Variants in PLEKHO2 observed in about 807,000 individuals in gnomAD.
The protein encoded by PLEKHO2 is pleckstrin homology domain-containing family O member 2.
A neutral mutation model predicts 32.7 loss-of-function variants in PLEKHO2; 20 were observed. That is an observed-to-expected ratio of 0.61 (90% CI 0.43 to 0.89). The LOEUF (loss-of-function observed/expected upper bound fraction) is 0.89, where lower values mean the gene tolerates loss of function less well. Among genes scored for constraint, PLEKHO2 ranks in the 40% least tolerant of loss-of-function variants. PLEKHO2 has a pLI of 0.00. For missense variants in PLEKHO2, 568 were observed against 621.2 expected, an observed-to-expected ratio of 0.91 and a Z score of 0.91; for synonymous variants, 247 against 246.3, an observed-to-expected ratio of 1.00 and a Z score of -0.03.
chr15:64,851,618 C>T (rs528873058), intron 2 of PLEKHO2, among the ~76,000 whole-genome samples: 9 of 152,270 alleles, frequency 5.9e-5, no homozygotes, highest in Admixed American at 5.2e-4. Context: ...TTGGCTGTTT[C>T]TTTGCTGTCA....
At chr15:64,858,568 C>T (rs1430683082) in intron 3 of PLEKHO2, among the ~76,000 whole-genome samples, 1 of 152,064 alleles carries the variant, frequency 6.6e-6, no homozygotes, top group East Asian at 1.9e-4. Flanking sequence ...TGTGCCAGTC[C>T]CTGCTTTTAA....
chr15:64,843,575 T>C (rs557260625), intron 1 of PLEKHO2, among the ~76,000 whole-genome samples: 2 of 151,420 alleles, frequency 1.3e-5, no homozygotes, highest in South Asian at 4.2e-4. Flanking sequence ...CATTGTCACT[T>C]TCTTTTCTTT....
At chr15:64,846,835 T>C (rs779811962) in intron 1 of PLEKHO2, among the ~76,000 whole-genome samples, 2 of 152,210 alleles carry the variant, frequency 1.3e-5, no homozygotes, top group Non-Finnish European at 2.9e-5. Context: ...GTAACAATAA[T>C]GACAGCTGCC....
chr15:64,845,110 G>A (rs2084513151), intron 1 of PLEKHO2, among the ~76,000 whole-genome samples: 2 of 152,138 alleles, frequency 1.3e-5, no homozygotes, highest in Admixed American at 1.3e-4. Context: ...AAGCTTCCTG[G>A]GATGTGAGGT....
intron 1 of PLEKHO2, among the ~76,000 whole-genome samples, chr15:64,843,961 G>T (rs188824671): frequency 6.6e-6 from 1 of 152,170 alleles, no homozygotes; most frequent in Non-Finnish European, 1.5e-5. Context: ...CTTTACCCAA[G>T]CCCCTGCAAG....
chr15:64,842,938 G>A (rs79083090), intron 1 of PLEKHO2, among the ~76,000 whole-genome samples: 1,850 of 152,348 alleles, frequency 0.012, 40 homozygotes, highest in African/African-American at 0.042. Flanking sequence ...AGAGGAAGGT[G>A]AATTTGTTTC....
intron 2 of PLEKHO2, among the ~76,000 whole-genome samples, chr15:64,851,042 T>G (rs549763012): frequency 3.3e-5 from 5 of 152,336 alleles, no homozygotes; most frequent in African/African-American, 1.2e-4. Flanking sequence ...TTAGGCAACC[T>G]GGATCCAAAG....
chr15:64,867,612 C>G lies in PLEKHO2; in HGVS notation c.*1724C>G, dbSNP rs1340917721. ...CTGGCTGGGGCTTTAGCCAAGCCACCTACTGCCAGGAATTGGAGCCTCAGT... is the reference window on the plus strand; with the variant it reads ...CTGGCTGGGGCTTTAGCCAAGCCACGTACTGCCAGGAATTGGAGCCTCAGT... On this transcript the variant is annotated 3_prime_UTR_variant, in exon 6 of 6. Transcript: ENST00000323544. 6.6e-6 allele frequency: 1 copy of G among 152,296 alleles called. No homozygotes were observed. The highest frequency in any genetic ancestry group is 2.4e-5 in the African/African-American group (1 of 41,454). The allele number at this position is 152,296 out of a possible 1,614,324, so 9.4% of individuals were successfully genotyped here.
intron 2 of PLEKHO2, among the ~76,000 whole-genome samples, chr15:64,849,227 C>T (rs1322682290): frequency 1.3e-5 from 2 of 152,118 alleles, no homozygotes; most frequent in Non-Finnish European, 2.9e-5. Context: ...CTGCAACCTC[C>T]ATCTCCTGGG....
chr15:64,857,871 G>A (rs1027903721), intron 3 of PLEKHO2, among the ~76,000 whole-genome samples: 1 of 152,158 alleles, frequency 6.6e-6, no homozygotes, highest in Non-Finnish European at 1.5e-5. Context: ...GTAGAACTTG[G>A]TAATCTGACT....
chr15:64,854,996 C>A lies in PLEKHO2; in HGVS notation c.238C>A (p.Arg80=). Residue 80 remains arginine, a synonymous_variant, in exon 3 of 6, where the codon CGA becomes AGA. Coordinates refer to ENST00000323544, the MANE Select transcript of PLEKHO2 (RefSeq NM_025201.5). The stretch of plus-strand genomic sequence containing the variant: ...CCAGGACCTTCGTGCCCTCCTCAAG[C>A]GAAAACACCGCTTTATCCTGCTGCG... ...KCQDLRALLK[R]KHRFILLRSP... is the part of the protein sequence containing the mutation. 6.2e-7 allele frequency: 1 copy of A among 1,602,126 alleles called. No homozygotes were observed. The highest frequency in any genetic ancestry group is 8.5e-7 in the Non-Finnish European group (1 of 1,174,208).
At chr15:64,860,395 C>A (rs1333106089) in intron 4 of PLEKHO2, among the ~76,000 whole-genome samples, 1 of 152,190 alleles carries the variant, frequency 6.6e-6, no homozygotes, top group Non-Finnish European at 1.5e-5. Flanking sequence ...GGCAGGCTGG[C>A]TCTCAGCTCT....
In PLEKHO2 at chr15:64,848,631, G is replaced by A; in HGVS notation, c.51G>A (p.Gln17=). 1 of 1,614,198 alleles carries A rather than the reference G, an allele frequency of 6.2e-7. No individual in the cohort carries two copies. Among genetic ancestry groups the A allele is most frequent in the Non-Finnish European group, 8.5e-7 (1 of 1,180,046 alleles). ...KEAGEKPRGA[Q]MVDKAGWIKK... is the part of the protein sequence containing the mutation. ...CCGGTGAGAAGCCTCGGGGAGCACA[G>A]ATGGTGGACAAGGCTGGCTGGATCA... The change falls in exon 2 of 6, where the codon CAG becomes CAA. Residue 17 remains glutamine, a synonymous_variant. Transcript: ENST00000323544.
At chr15:64,855,503 C>T (rs2084600726) in intron 3 of PLEKHO2, among the ~76,000 whole-genome samples, 1 of 152,196 alleles carries the variant, frequency 6.6e-6, no homozygotes, top group Non-Finnish European at 1.5e-5. Flanking sequence ...GGTGGGCCCA[C>T]CCTGGACTAA....
At position 64,862,733 on chromosome 15, in the gene PLEKHO2, G is replaced by A. The variant is rs996617114; in HGVS notation, c.483+1158G>A. Among the ~76,000 whole-genome samples, 5 of 152,170 alleles carry A rather than the reference G, an allele frequency of 3.3e-5. No homozygotes were observed. The South Asian group carries it at 1.0e-3, about 32-fold the overall frequency. On this transcript the variant is annotated intron_variant, in intron 5 of 5. Coordinates refer to ENST00000323544, the MANE Select transcript of PLEKHO2 (RefSeq NM_025201.5). Reference sequence around the variant, plus strand: ...CCGCAAGTCACAAGGGCAGGACCAAGGACAAGGCATTTACAACATATTTTC... The same window carrying A: ...CCGCAAGTCACAAGGGCAGGACCAAAGACAAGGCATTTACAACATATTTTC...
intron 5 of PLEKHO2, among the ~76,000 whole-genome samples, chr15:64,863,215 C>T (rs978264982): frequency 6.6e-6 from 1 of 152,156 alleles, no homozygotes; most frequent in African/African-American, 2.4e-5. Context: ...GGATTACAGG[C>T]GTGAGCCACC....
Position 64,861,551 on chromosome 15 carries a change from A to G in PLEKHO2, c.459A>G (p.Pro153=). ...DRVRGGQRRR[P]PTRVHLKEVA... ...TGCGAGGGGGCCAGCGACGCCGGCCACCAACGAGAGTCCACCTGAAGGAGG... is the reference window on the plus strand; with the variant it reads ...TGCGAGGGGGCCAGCGACGCCGGCCGCCAACGAGAGTCCACCTGAAGGAGG... Residue 153 remains proline (P), a synonymous_variant, in exon 5 of 6, where the codon CCA becomes CCG. Transcript: ENST00000323544. 1 of 1,606,670 alleles carries G rather than the reference A, an allele frequency of 6.2e-7. No individual in the cohort carries two copies. Among genetic ancestry groups the G allele is most frequent in the Non-Finnish European group, 8.5e-7 (1 of 1,177,368 alleles).
At chr15:64,843,483 G>A (rs117378001) in intron 1 of PLEKHO2, among the ~76,000 whole-genome samples, 10 of 152,272 alleles carry the variant, frequency 6.6e-5, no homozygotes, top group Non-Finnish European at 1.5e-4. Flanking sequence ...CCTGATCTGC[G>A]CTGGCCCCTG....
At chr15:64,846,541 T>A (rs1360936690) in intron 1 of PLEKHO2, among the ~76,000 whole-genome samples, 1 of 152,164 alleles carries the variant, frequency 6.6e-6, no homozygotes, top group Non-Finnish European at 1.5e-5. Flanking sequence ...CTCAAACTCC[T>A]GACCTCAAAT....
Sources: allele counts gnomAD v4.1 joint callset (sites outside exome capture counted in the v4.1 genomes callset), GRCh38; gene constraint gnomAD v4.1.1; transcripts MANE v1.5; gene names NCBI Gene and HGNC (gene_info 2026-07-23, HGNC 2026-07-21).